ACTL6A: variants seen among roughly 807,000 people sequenced by gnomAD.
The protein encoded by ACTL6A is actin like 6A, also known as actin-like protein 6A.
ACTL6A carries 5 observed loss-of-function variants against 59.2 expected under a neutral mutation model. The ratio of observed to expected loss-of-function variants is 0.08; its 90% CI spans 0.04 to 0.18. The LOEUF (loss-of-function observed/expected upper bound fraction) is 0.18, where lower values mean the gene tolerates loss of function less well. Among genes scored for constraint, ACTL6A ranks in the 10% least tolerant of loss-of-function variants. The pLI, the probability that ACTL6A is intolerant of heterozygous loss-of-function variation, is 1.00. For missense variants in ACTL6A, 285 were observed against 526.9 expected, an observed-to-expected ratio of 0.54 and a Z score of 4.49; for synonymous variants, 154 against 171.8, an observed-to-expected ratio of 0.90 and a Z score of 0.81.
At chr3:179,575,622 A>C in intron 5 of ACTL6A, 1 of 362,220 alleles carries the variant, frequency 2.8e-6, no homozygotes, top group Non-Finnish European at 5.4e-6. Context: ...CCTAAACATC[A>C]GTTTAGTATA....
At chr3:179,579,479 C>CAT (rs1718269937) in intron 8 of ACTL6A, among the ~76,000 whole-genome samples, 1 of 151,106 alleles carries the variant, frequency 6.6e-6, no homozygotes, top group African/African-American at 2.5e-5. Flanking sequence ...CACACACACA[C>CAT]ACACACACAC....
intron 6 of ACTL6A, 131 bp downstream of exon 6, chr3:179,576,442 A>C: frequency 1.2e-6 from 1 of 821,734 alleles, no homozygotes; most frequent in Non-Finnish European, 1.9e-6. Flanking sequence ...AAGTATGTTA[A>C]AAATCTTTAG....
Position 179,576,862 on chromosome 3 carries a change from A to G in ACTL6A, c.717A>G (p.Arg239=), listed in dbSNP as rs780324100. 23 of 1,614,074 alleles carry G rather than the reference A, an allele frequency of 1.4e-5. No homozygotes were observed. The highest frequency in any genetic ancestry group is 2.2e-5 in the South Asian group (2 of 91,076). The change falls in exon 8 of 14, where the codon AGA becomes AGG. Residue 239 remains arginine (R), a synonymous_variant. Coordinates refer to ENST00000429709, the MANE Select transcript of ACTL6A (RefSeq NM_004301.5). ...VREGSPANWK[R]KEKLPQVTRS... ...AAGGATCTCCAGCAAACTGGAAAAG[A>G]AAAGAGAAGTTGCCTCAGGTTACGA...
At chr3:179,563,865 T>C (rs1279898081) in intron 1 of ACTL6A, among the ~76,000 whole-genome samples, 1 of 152,172 alleles carries the variant, frequency 6.6e-6, no homozygotes, top group East Asian at 1.9e-4. Context: ...GGTAGGAAGA[T>C]TACCAGGTGC....
At chr3:179,586,781 G>A (rs573894392) in intron 13 of ACTL6A, 149 bp downstream of exon 13, 2 of 634,772 alleles carry the variant, frequency 3.2e-6, no homozygotes, top group East Asian at 3.3e-5. Flanking sequence ...CCAGTTTTAT[G>A]TGTTCTGATG....
At position 179,581,145 on chromosome 3, in the gene ACTL6A, A is replaced by G. The variant is rs1448059807; in HGVS notation, c.951A>G (p.Leu317=). ...CTTGTTTTCTTTTGTTGTAGGGGTT[A>G]TCAGGAAACACAATGTTAGGAGTCA... is the stretch of plus-strand genomic sequence containing the variant. ...GLFDPSNVKG[L]SGNTMLGVSH... is the part of the protein sequence containing the mutation. Residue 317 remains leucine, a synonymous_variant, in exon 11 of 14, where the codon TTA becomes TTG. Transcript: ENST00000429709. The G allele has an allele frequency of 6.2e-7, 1 of 1,613,888 alleles. No homozygotes were observed. Among genetic ancestry groups the G allele is most frequent in the African/African-American group, 1.3e-5 (1 of 74,924 alleles).
intron 6 of ACTL6A, 65 bp downstream of exon 6, chr3:179,576,376 A>G (rs1156681764): frequency 3.1e-5 from 39 of 1,242,438 alleles, no homozygotes; most frequent in Non-Finnish European, 3.9e-5. Context: ...ACATAATGAA[A>G]TAAAATGATG....
Position 179,566,105 on chromosome 3 carries a change from ATG to A in ACTL6A, c.25+2992_25+2993del, listed in dbSNP as rs542925284. Among the ~76,000 whole-genome samples, 397 of 152,194 alleles carry A rather than the reference ATG, an allele frequency of 2.6e-3. 2 individuals carry two copies. Among genetic ancestry groups the A allele is most frequent in the African/African-American group, 9.0e-3 (375 of 41,506 alleles). ...TGCCAGTGTGGACTGGTGGTCAGCA[ATG>A]TGTTAGGCAATGCTGAGATCAGCAG... On this transcript the variant is annotated intron_variant, in intron 1 of 13. Coordinates refer to ENST00000429709, the MANE Select transcript of ACTL6A (RefSeq NM_004301.5).
intron 1 of ACTL6A, among the ~76,000 whole-genome samples, chr3:179,568,496 A>G (rs1298239110): frequency 6.6e-6 from 1 of 151,094 alleles, no homozygotes; most frequent in Non-Finnish European, 1.5e-5. Context: ...TGAAGTTGGT[A>G]TGTAACATTC....
At chr3:179,564,885 CTT>C (rs550795606) in intron 1 of ACTL6A, among the ~76,000 whole-genome samples, 37 of 129,368 alleles carry the variant, frequency 2.9e-4, no homozygotes, top group Non-Finnish European at 2.3e-4. Context: ...TGGAATATGT[CTT>C]TTTTTTTTTT....
chr3:179,585,264 G>A (rs749396186), intron 12 of ACTL6A, among the ~76,000 whole-genome samples: 33 of 152,010 alleles, frequency 2.2e-4, no homozygotes, highest in East Asian at 5.8e-4. Flanking sequence ...CACCACACCC[G>A]GCTAATTTTT....
intron 12 of ACTL6A, 78 bp from the exon 13 acceptor site, chr3:179,586,466 TGA>T (rs1560015693): frequency 0.025 from 16,281 of 661,898 alleles, 78 homozygotes; most frequent in East Asian, 0.044. Flanking sequence ...TGTCTCTATT[TGA>T]AAAAAAAAAA....
chr3:179,582,888 C>T (rs2108369238), intron 11 of ACTL6A, among the ~76,000 whole-genome samples: 1 of 152,270 alleles, frequency 6.6e-6, no homozygotes. Flanking sequence ...GTTAGTGGTT[C>T]TTAAAACTTT....
chr3:179,584,771 C>G (rs1718436411), intron 12 of ACTL6A, among the ~76,000 whole-genome samples: 1 of 151,754 alleles, frequency 6.6e-6, no homozygotes, highest in African/African-American at 2.4e-5. Flanking sequence ...GGTGACAAAG[C>G]AAGACTCTGG....
chr3:179,584,662 G>A (rs1309469060), intron 12 of ACTL6A, among the ~76,000 whole-genome samples: 10 of 151,648 alleles, frequency 6.6e-5, no homozygotes, highest in African/African-American at 2.4e-4. Context: ...GCACGTGCCT[G>A]TAATCCCAGC....
At chr3:179,581,246 T>G in intron 11 of ACTL6A, 26 bp downstream of exon 11, 6 of 1,582,146 alleles carry the variant, frequency 3.8e-6, no homozygotes, top group Non-Finnish European at 5.2e-6. Context: ...CTGTTACGGT[T>G]TAAAGGTATC....
At chr3:179,580,219 G>GT (rs1718296255) in intron 8 of ACTL6A, among the ~76,000 whole-genome samples, 1 of 152,166 alleles carries the variant, frequency 6.6e-6, no homozygotes, top group Non-Finnish European at 1.5e-5. Context: ...TTATTAAACT[G>GT]TTTTATACTA....
intron 8 of ACTL6A, among the ~76,000 whole-genome samples, chr3:179,578,617 CA>C (rs1560012993): frequency 6.7e-6 from 1 of 149,976 alleles, no homozygotes; most frequent in Non-Finnish European, 1.5e-5. Context: ...GAACCCATCT[CA>C]AAAAAGAAAA....
At chr3:179,587,178 T>TA (rs1718522567) in intron 13 of ACTL6A, among the ~76,000 whole-genome samples, 1 of 152,066 alleles carries the variant, frequency 6.6e-6, no homozygotes, top group Non-Finnish European at 1.5e-5. Flanking sequence ...CTTATATCTA[T>TA]ACTGTATATA....
Sources: gnomAD v4.1 joint callset for allele counts (sites outside exome capture counted in the v4.1 genomes callset) on GRCh38, gnomAD v4.1.1 for gene constraint, MANE v1.5 for transcripts, NCBI Gene and HGNC (gene_info 2026-07-23, HGNC 2026-07-21) for gene names.